The following NEGR1 variants were observed in gnomAD, a reference collection of about 807,000 sequenced individuals.
NEGR1 encodes neuronal growth regulator 1.
Under a neutral mutation model 40.9 loss-of-function variants are expected in NEGR1, and 10 were observed. The observed-to-expected ratio is 0.24, with a 90% confidence interval of 0.15 to 0.42. NEGR1 has a LOEUF of 0.42. Ranked by LOEUF, NEGR1 falls within the 10% of genes least tolerant of loss-of-function variation. NEGR1 has a pLI of 1.00. For synonymous variants in NEGR1, 185 were observed against 166.8 expected (o/e 1.11, Z -0.84); for missense variants, 352 against 438.9 (o/e 0.80, Z 1.77).
chr1:72,006,677 G>C (rs1034560522), intron 1 of NEGR1, among the ~76,000 whole-genome samples: 27 of 151,788 alleles, frequency 1.8e-4, no homozygotes, highest in Non-Finnish European at 2.8e-4. Flanking sequence ...AAAAAGTTCC[G>C]CTAAAAATAA....
chr1:72,220,914 G>T (rs1467596093), intron 1 of NEGR1, among the ~76,000 whole-genome samples: 22 of 140,788 alleles, frequency 1.6e-4, no homozygotes, highest in East Asian at 4.2e-4. Context: ...CCTACCTAAA[G>T]TTTTTTTTTT....
chr1:72,210,440 G>A (rs1056311991), intron 1 of NEGR1, among the ~76,000 whole-genome samples: 3 of 151,874 alleles, frequency 2.0e-5, no homozygotes, highest in Admixed American at 6.6e-5. Flanking sequence ...TGATTGAAAC[G>A]CAAGCAGAAT....
Position 71,520,286 on chromosome 1 carries a change from G to A in NEGR1, c.940+72531C>T, listed in dbSNP as rs564100271. On this transcript the variant is annotated intron_variant, in intron 6 of 6. Coordinates refer to ENST00000357731, the MANE Select transcript of NEGR1 (RefSeq NM_173808.3). ...GACTAATTGCCTAGTAAATAGTAAT[G>A]CCTTTTATTTGGATTCCACTGCAAT... Among the ~76,000 whole-genome samples the A allele has an allele frequency of 5.8e-4, 88 of 152,106 alleles. 1 individual carries two copies. The highest frequency in any genetic ancestry group is 1.2e-3 in the Admixed American group (18 of 15,262).
At chr1:71,953,594 G>A (rs2554410) in intron 1 of NEGR1, among the ~76,000 whole-genome samples, 5,535 of 151,976 alleles carry the variant, frequency 0.036, 332 homozygotes, top group African/African-American at 0.13. Flanking sequence ...TGGGTATGAC[G>A]CTATCAAAAA....
At chr1:71,874,900 G>T (rs1660381248) in intron 2 of NEGR1, among the ~76,000 whole-genome samples, 1 of 152,106 alleles carries the variant, frequency 6.6e-6, no homozygotes, top group African/African-American at 2.4e-5. Flanking sequence ...CTGGAATGCA[G>T]TAACATAATC....
At chr1:72,090,720 C>G (rs571509840) in intron 1 of NEGR1, among the ~76,000 whole-genome samples, 1 of 152,022 alleles carries the variant, frequency 6.6e-6, no homozygotes, top group Admixed American at 6.5e-5. Context: ...CGAGCACAGT[C>G]TCGGCAGGCG....
chr1:72,264,804 GATA>G (rs1445396260), intron 1 of NEGR1, among the ~76,000 whole-genome samples: 10 of 150,812 alleles, frequency 6.6e-5, no homozygotes, highest in African/African-American at 2.4e-4. Flanking sequence ...CATTTAAAAT[GATA>G]ATGTTTTATT....
At chr1:72,079,666 CCAAT>C (rs1647904552) in intron 1 of NEGR1, among the ~76,000 whole-genome samples, 2 of 151,850 alleles carry the variant, frequency 1.3e-5, no homozygotes, top group Non-Finnish European at 2.9e-5. Flanking sequence ...AAAACTTGGG[CCAAT>C]CAATTTTCTT....
intron 1 of NEGR1, among the ~76,000 whole-genome samples, chr1:72,237,730 C>A (rs886125159): frequency 2.6e-5 from 4 of 151,782 alleles, no homozygotes; most frequent in Non-Finnish European, 5.9e-5. Flanking sequence ...TTTATTAGAC[C>A]CTTTCTTTGC....
chr1:71,582,972 G>T (rs1284923377), intron 6 of NEGR1, among the ~76,000 whole-genome samples: 2 of 152,200 alleles, frequency 1.3e-5, no homozygotes, highest in South Asian at 4.2e-4. Context: ...AAGCAATTTT[G>T]GGCTTCCCTA....
At chr1:72,280,944 A>G (rs185294949) in intron 1 of NEGR1, among the ~76,000 whole-genome samples, 1 of 152,244 alleles carries the variant, frequency 6.6e-6, no homozygotes, top group East Asian at 1.9e-4. Flanking sequence ...TGGCAGGGGG[A>G]GAAGGGAGGG....
At chr1:71,707,786 A>G (rs1180731214) in intron 3 of NEGR1, among the ~76,000 whole-genome samples, 1 of 152,192 alleles carries the variant, frequency 6.6e-6, no homozygotes, top group African/African-American at 2.4e-5. Context: ...CCCCAGGTTC[A>G]GGTGGCTCAG....
intron 6 of NEGR1, among the ~76,000 whole-genome samples, chr1:71,548,586 C>T (rs1052513219): frequency 6.6e-6 from 1 of 151,666 alleles, no homozygotes; most frequent in African/African-American, 2.4e-5. Flanking sequence ...ACGTTTGAAT[C>T]ATGTGTCAAG....
chr1:71,747,293 A>G (rs754673332), intron 3 of NEGR1, among the ~76,000 whole-genome samples: 1 of 152,212 alleles, frequency 6.6e-6, no homozygotes, highest in Non-Finnish European at 1.5e-5. Context: ...ATAGATATGC[A>G]GAACAGTCAA....
chr1:71,806,303 C>T (rs1187531804), intron 2 of NEGR1, among the ~76,000 whole-genome samples: 1 of 151,924 alleles, frequency 6.6e-6, no homozygotes, highest in Non-Finnish European at 1.5e-5. Context: ...TTTTTACAAT[C>T]ATCTTAAAGT....
chr1:72,104,364 G>T (rs1250884172), intron 1 of NEGR1, among the ~76,000 whole-genome samples: 3 of 152,106 alleles, frequency 2.0e-5, no homozygotes, highest in East Asian at 1.9e-4. Flanking sequence ...CATAGAAGGA[G>T]ATGTGACCGC....
At chr1:72,257,696 C>T (rs1036526343) in intron 1 of NEGR1, among the ~76,000 whole-genome samples, 15 of 152,166 alleles carry the variant, frequency 9.9e-5, no homozygotes, top group Non-Finnish European at 1.8e-4. Context: ...TGGCGGTACA[C>T]GTCTCTTTTG....
At chr1:72,276,279 T>C (rs912644552) in intron 1 of NEGR1, among the ~76,000 whole-genome samples, 15 of 152,132 alleles carry the variant, frequency 9.9e-5, no homozygotes, top group African/African-American at 3.1e-4. Flanking sequence ...TATGGTCACA[T>C]ACTTCATAAA....
In NEGR1 at chr1:71,463,450, T is replaced by C. The variant is rs533504330; in HGVS notation, c.941-55880A>G. 3.3e-5 allele frequency: 5 copies of C among 152,262 alleles called. No individual in the cohort carries two copies. In the East Asian group the frequency reaches 9.7e-4, roughly 29 times the overall value. 9.4% of individuals were successfully genotyped at this position (152,262 alleles called of 1,614,324 possible). A position where few individuals can be genotyped will look rare whatever the true frequency, so the allele number is the denominator to read the frequency against. ...TGAACAGATACCTTTGAGAAGTTTA[T>C]GATTCTCCAAGTTCTCTTTCTCCTA... On this transcript the variant is annotated intron_variant, in intron 6 of 6. Coordinates refer to ENST00000357731, the MANE Select transcript of NEGR1 (RefSeq NM_173808.3).
Sources: allele counts gnomAD v4.1 joint callset (sites outside exome capture counted in the v4.1 genomes callset), GRCh38; gene constraint gnomAD v4.1.1; transcripts MANE v1.5; gene names NCBI Gene and HGNC (gene_info 2026-07-23, HGNC 2026-07-21).